Variants in DYRK1A observed in about 807,000 individuals in gnomAD.
DYRK1A encodes dual specificity tyrosine phosphorylation regulated kinase 1A.
Under a neutral mutation model 79.7 loss-of-function variants are expected in DYRK1A, and 9 were observed. The observed-to-expected ratio is 0.11, with a 90% CI of 0.07 to 0.20. DYRK1A has a LOEUF of 0.20. Among genes scored for constraint, DYRK1A ranks in the 10% least tolerant of loss-of-function variants. The pLI is 1.00. For synonymous variants in DYRK1A, 349 were observed against 329.7 expected, an observed-to-expected ratio of 1.06 and a Z score of -0.63; for missense variants, 622 against 956.0, an observed-to-expected ratio of 0.65 and a Z score of 4.61.
At chr21:37,397,011 C>T (rs533214961) in intron 1 of DYRK1A, among the ~76,000 whole-genome samples, 22 of 152,218 alleles carry the variant, frequency 1.4e-4, no homozygotes, top group East Asian at 3.9e-4. Flanking sequence ...GTATAGTCCT[C>T]GTGTGTTGTC....
intron 1 of DYRK1A, among the ~76,000 whole-genome samples, chr21:37,406,737 C>CTCTATATA (rs1432600126): frequency 1.4e-3 from 84 of 62,078 alleles, no homozygotes; most frequent in African/African-American, 3.4e-3. Context: ...CTATGTATAT[C>CTCTATATA]TCTATATATC....
In DYRK1A at chr21:37,525,045, G is replaced by A. The variant is rs1329626535; in HGVS notation, c.*12514G>A. ...ACCCAGGAGGTGGAGGTTGCAGTGAGCTGAGATTGCACCACTGTACTCCAG... is the reference window on the plus strand; with the variant it reads ...ACCCAGGAGGTGGAGGTTGCAGTGAACTGAGATTGCACCACTGTACTCCAG... On this transcript the variant is annotated 3_prime_UTR_variant, in exon 12 of 12. Coordinates refer to ENST00000647188, the MANE Select transcript of DYRK1A (RefSeq NM_001347721.2). The A allele has an allele frequency of 1.3e-5, 2 of 152,342 alleles. No homozygotes were observed. The highest frequency in any genetic ancestry group is 2.1e-4 in the South Asian group (1 of 4,834). The allele number at this position is 152,342 out of a possible 1,614,324, so 9.4% of individuals were successfully genotyped here.
At chr21:37,447,762 G>C (rs2051320061) in intron 2 of DYRK1A, among the ~76,000 whole-genome samples, 1 of 152,176 alleles carries the variant, frequency 6.6e-6, no homozygotes, top group Admixed American at 6.5e-5. Flanking sequence ...GAACTTAGCA[G>C]TGGAGTGGGT....
intron 8 of DYRK1A, among the ~76,000 whole-genome samples, chr21:37,494,169 G>A (rs1460213032): frequency 6.6e-6 from 1 of 151,738 alleles, no homozygotes; most frequent in Non-Finnish European, 1.5e-5. Context: ...TGAGATTACA[G>A]GCGTGAGCCA....
chr21:37,369,236 C>T (rs1420100772), intron 1 of DYRK1A, among the ~76,000 whole-genome samples: 3 of 152,206 alleles, frequency 2.0e-5, no homozygotes, highest in Admixed American at 2.0e-4. Flanking sequence ...AGGGGAATTA[C>T]CTTTAGCTTT....
At chr21:37,510,682 A>G (rs2053723714) in intron 11 of DYRK1A, among the ~76,000 whole-genome samples, 1 of 152,078 alleles carries the variant, frequency 6.6e-6, no homozygotes, top group African/African-American at 2.4e-5. Context: ...GTTAGTGGCT[A>G]GGCCGTCTTC....
chr21:37,365,767 A>T (rs2049290229), upstream of DYRK1A: 1 of 152,416 alleles, frequency 6.6e-6, no homozygotes, highest in Non-Finnish European at 1.5e-5. Flanking sequence ...CGACAAGGAC[A>T]CAGTAACAGC....
At chr21:37,482,574 T>A (rs951679892) in intron 5 of DYRK1A, among the ~76,000 whole-genome samples, 2 of 152,192 alleles carry the variant, frequency 1.3e-5, no homozygotes, top group Admixed American at 1.3e-4. Context: ...AGGGCGAAAT[T>A]AAAATTGCTA....
At chr21:37,489,999 A>G (rs1371433452) in intron 6 of DYRK1A, among the ~76,000 whole-genome samples, 176 bp from the exon 7 acceptor site, 2 of 152,194 alleles carry the variant, frequency 1.3e-5, no homozygotes, top group African/African-American at 4.8e-5. Context: ...CAGAAGAGCA[A>G]CTTAGATATT....
At chr21:37,386,355 G>A (rs2049760273) in intron 1 of DYRK1A, among the ~76,000 whole-genome samples, 1 of 151,956 alleles carries the variant, frequency 6.6e-6, no homozygotes, top group Non-Finnish European at 1.5e-5. Context: ...ACTGGTCCCC[G>A]GTGCCAAAAA....
chr21:37,375,700 T>C (rs2049525524), intron 1 of DYRK1A, among the ~76,000 whole-genome samples: 1 of 151,922 alleles, frequency 6.6e-6, no homozygotes, highest in Non-Finnish European at 1.5e-5. Flanking sequence ...AATTTTTTGT[T>C]ATTTTTAGTA....
intron 1 of DYRK1A, among the ~76,000 whole-genome samples, chr21:37,412,994 G>C (rs2050271526): frequency 6.6e-6 from 1 of 152,092 alleles, no homozygotes; most frequent in African/African-American, 2.4e-5. Context: ...AGCGGTCAGG[G>C]GATAGAACCA....
At chr21:37,480,541 C>T in intron 4 of DYRK1A, 97 bp from the exon 5 acceptor site, 1 of 929,016 alleles carries the variant, frequency 1.1e-6, no homozygotes, top group Non-Finnish European at 1.6e-6. Flanking sequence ...ACTCAAATGT[C>T]AACTGTAGAA....
chr21:37,444,080 C>G (rs749863167), intron 2 of DYRK1A, among the ~76,000 whole-genome samples: 10 of 152,160 alleles, frequency 6.6e-5, no homozygotes, highest in Non-Finnish European at 1.3e-4. Context: ...GCCCCCGTTC[C>G]TTTCTTCTGC....
At chr21:37,462,564 A>C (rs2051877303) in intron 2 of DYRK1A, among the ~76,000 whole-genome samples, 1 of 152,182 alleles carries the variant, frequency 6.6e-6, no homozygotes, top group African/African-American at 2.4e-5. Flanking sequence ...GCCTGGCTTC[A>C]TGGTCCTTCT....
intron 2 of DYRK1A, among the ~76,000 whole-genome samples, chr21:37,434,354 A>G (rs1046489816): frequency 6.6e-6 from 1 of 152,234 alleles, no homozygotes; most frequent in South Asian, 2.1e-4. Context: ...AAGTTGATCT[A>G]TTTTAAAATA....
chr21:37,481,571 T>A (rs1333247982), intron 5 of DYRK1A: 2 of 152,220 alleles, frequency 1.3e-5, no homozygotes, highest in Non-Finnish European at 1.5e-5. Context: ...AATTTTTGTA[T>A]TTTTAGTAGA....
At chr21:37,383,654 G>C (rs1336492801) in intron 1 of DYRK1A, among the ~76,000 whole-genome samples, 2 of 152,138 alleles carry the variant, frequency 1.3e-5, no homozygotes, top group Non-Finnish European at 2.9e-5. Context: ...GCCTCTTCTT[G>C]GCTGCGATAT....
chr21:37,488,202 T>C (rs192653719), intron 6 of DYRK1A: 109 of 242,118 alleles, frequency 4.5e-4, no homozygotes, highest in African/African-American at 2.2e-3. Context: ...GTATTAGTTA[T>C]TACAGATACT....
Sources: allele counts gnomAD v4.1 joint callset (sites outside exome capture counted in the v4.1 genomes callset), GRCh38; gene constraint gnomAD v4.1.1; transcripts MANE v1.5; gene names NCBI Gene and HGNC (gene_info 2026-07-23, HGNC 2026-07-21).